The following PTPRN2 variants were observed in gnomAD, a reference collection of about 807,000 sequenced individuals.
PTPRN2 encodes protein tyrosine phosphatase receptor type N2, also known as receptor-type tyrosine-protein phosphatase N2.
In PTPRN2, 74 loss-of-function variants were observed where a neutral mutation model predicts 118.8. That is an observed-to-expected ratio of 0.62 (90% confidence interval 0.52 to 0.76). PTPRN2 has a LOEUF of 0.76. Ranked by LOEUF, PTPRN2 falls within the 30% of genes least tolerant of loss-of-function variation. PTPRN2 has a pLI of 0.00. For missense variants in PTPRN2, 1,481 were observed against 1,394.4 expected (o/e 1.06, Z -0.99); for synonymous variants, 641 against 608.0 (o/e 1.05, Z -0.80).
In PTPRN2 at chr7:157,611,585, G is replaced by C. The variant is rs1452279244; in HGVS notation, c.2345-7510C>G. On this transcript the variant is annotated intron_variant, in intron 15 of 22. Transcript: ENST00000389418. The surrounding 1 kb of genome is among the most constrained non-coding windows in gnomAD (Gnocchi z 5.9). ...GGAACATGACCTTATTTGGAAATAG[G>C]GTCTTTACAGAGGTAAGCGAGCGGA... Among the ~76,000 whole-genome samples the C allele has an allele frequency of 6.6e-6, 1 of 152,154 alleles. No individual in the cohort carries two copies. The highest frequency in any genetic ancestry group is 1.5e-5 in the Non-Finnish European group (1 of 68,042).
At chr7:157,574,532 G>GAC in intron 19 of PTPRN2, 1 of 315,562 alleles carries the variant, frequency 3.2e-6, no homozygotes, top group Non-Finnish European at 7.4e-6. Context: ...GAGAGAGAGA[G>GAC]AGAGTTTTTA....
Position 157,974,192 on chromosome 7 carries a change from G to A in PTPRN2, c.1724-75455C>T, listed in dbSNP as rs941876264. Among the ~76,000 whole-genome samples the A allele has an allele frequency of 6.6e-6, 1 of 152,222 alleles. No homozygotes were observed. The highest frequency in any genetic ancestry group is 6.5e-5 in the Admixed American group (1 of 15,290). ...GGCGATGATCATTGTGGAAAGAATG[G>A]ACAGCACCCTGGTTGATGTGCAGAG... On this transcript the variant is annotated intron_variant, in intron 11 of 22. Coordinates refer to ENST00000389418, the MANE Select transcript of PTPRN2 (RefSeq NM_002847.5). The surrounding 1 kb of genome is among the most constrained non-coding windows in gnomAD (Gnocchi z 4.0).
At chr7:158,100,974 A>G (rs1329341187) in intron 10 of PTPRN2, among the ~76,000 whole-genome samples, 1 of 152,180 alleles carries the variant, frequency 6.6e-6, no homozygotes, top group Non-Finnish European at 1.5e-5. Context: ...ATTCAATCCA[A>G]TCCCCATCAA....
chr7:158,070,879 TGG>T, intron 11 of PTPRN2, among the ~76,000 whole-genome samples: 1 of 117,482 alleles, frequency 8.5e-6, no homozygotes, highest in Non-Finnish European at 1.7e-5. Context: ...GTGGTGCCCA[TGG>T]TGGTGGAGGT....
At chr7:157,701,425 C>A (rs1294314865) in intron 12 of PTPRN2, among the ~76,000 whole-genome samples, 2 of 152,174 alleles carry the variant, frequency 1.3e-5, no homozygotes, top group East Asian at 1.9e-4. Context: ...TAGTATCAGT[C>A]TTTCAAAAAG....
chr7:158,265,228 ATGCTCCTGG>A (rs1797792759), intron 3 of PTPRN2, among the ~76,000 whole-genome samples: 1 of 151,732 alleles, frequency 6.6e-6, no homozygotes. Flanking sequence ...GCCATCCACT[ATGCTCCTGG>A]TGCTGGAAAC....
chr7:157,798,094 A>C (rs1285361947), intron 12 of PTPRN2, among the ~76,000 whole-genome samples: 1 of 152,128 alleles, frequency 6.6e-6, no homozygotes, highest in Non-Finnish European at 1.5e-5. Context: ...TCCCGTCTCT[A>C]CTAAAAATAC....
rs1563191249 is a variant in PTPRN2 at position 158,352,340 on chromosome 7, C to CCCCTCCCTGCCAGCTA, written c.164-35409_164-35408insTAGCTGGCAGGGAGGG. Among the ~76,000 whole-genome samples the CCCCTCCCTGCCAGCTA allele has an allele frequency of 4.2e-4, 2 of 4,796 alleles. 1 individual carries two copies. The highest frequency in any genetic ancestry group is 5.0e-3 in the Non-Finnish European group (2 of 398). The allele number at this position is 4,796 out of a possible 152,430, so 3.1% of individuals were successfully genotyped here. A position where few individuals can be genotyped will look rare whatever the true frequency, so the allele number is the denominator to read the frequency against. ...CCTGCCAGCTACCCTCCTGACCGCT[C>CCCCTCCCTGCCAGCTA]CCCTCCTGTCCGCTCCCCTCCTGAC... On this transcript the variant is annotated intron_variant, in intron 2 of 22. Coordinates refer to ENST00000389418, the MANE Select transcript of PTPRN2 (RefSeq NM_002847.5).
intron 3 of PTPRN2, among the ~76,000 whole-genome samples, chr7:158,207,313 G>A (rs1489298300): frequency 3.3e-5 from 5 of 150,188 alleles, no homozygotes; most frequent in Non-Finnish European, 5.9e-5. Context: ...TAGTCCTTTG[G>A]GTATATACCC....
intron 11 of PTPRN2, among the ~76,000 whole-genome samples, chr7:158,073,896 C>T (rs553127037): frequency 2.0e-5 from 3 of 152,326 alleles, no homozygotes; most frequent in South Asian, 2.1e-4. Flanking sequence ...CCTGAGGCCT[C>T]GTCCCCCAGG....
At chr7:157,981,014 C>T (rs1027792289) in intron 11 of PTPRN2, among the ~76,000 whole-genome samples, 9 of 152,272 alleles carry the variant, frequency 5.9e-5, no homozygotes, top group East Asian at 3.9e-4. Context: ...CCAGTTCCCA[C>T]GGAGCCCCGC....
At chr7:158,349,915 A>T (rs1446865779) in intron 2 of PTPRN2, among the ~76,000 whole-genome samples, 2 of 152,128 alleles carry the variant, frequency 1.3e-5, no homozygotes, top group Admixed American at 1.3e-4. Context: ...CCCGGGCCAC[A>T]TGAGGCCCAC....
intron 12 of PTPRN2, among the ~76,000 whole-genome samples, chr7:157,721,758 G>A (rs937057430): frequency 6.6e-5 from 10 of 152,178 alleles, no homozygotes; most frequent in Non-Finnish European, 1.2e-4. Flanking sequence ...CTGGAGAGCC[G>A]GGTTTCTGCC....
At chr7:158,584,108 ACAGC>A in intron 1 of PTPRN2, among the ~76,000 whole-genome samples, 1 of 152,310 alleles carries the variant, frequency 6.6e-6, no homozygotes, top group South Asian at 2.1e-4. Context: ...TCCTGTCTTC[ACAGC>A]CAGGTGCACC....
At position 157,784,428 on chromosome 7, in the gene PTPRN2, C is replaced by CA. The variant is rs1803888222; in HGVS notation, c.1789-101492dup. ...CAAGATGCCGACCTGCAGCAGCGCC[C>CA]ACAAGGCTCAGGGCTGGGTCCAGCC... On this transcript the variant is annotated intron_variant, in intron 12 of 22. Transcript: ENST00000389418. This position sits in a 1 kb window ranked among gnomAD's most constrained non-coding sequence, Gnocchi z 4.6. Among the ~76,000 whole-genome samples the CA allele has an allele frequency of 6.6e-6, 1 of 152,166 alleles. No individual in the cohort carries two copies. The highest frequency in any genetic ancestry group is 2.1e-4 in the South Asian group (1 of 4,826).
At position 157,818,577 on chromosome 7, in the gene PTPRN2, C is replaced by T. The variant is rs77444231; in HGVS notation, c.1788+80096G>A. On this transcript the variant is annotated intron_variant, in intron 12 of 22. Coordinates refer to ENST00000389418, the MANE Select transcript of PTPRN2 (RefSeq NM_002847.5). ...GCAGCTTCCAGAAGGGCAGAGGCCA[C>T]GACACCGAGGCCCCCAGCTGGTGCC... Among the ~76,000 whole-genome samples, 232 of 146,264 alleles carry T rather than the reference C, an allele frequency of 1.6e-3. 1 individual carries two copies. The highest frequency in any genetic ancestry group is 6.1e-3 in the African/African-American group (221 of 35,968).
chr7:157,840,233 CTGTG>C (rs1338845556), intron 12 of PTPRN2, among the ~76,000 whole-genome samples: 5 of 140,452 alleles, frequency 3.6e-5, no homozygotes, highest in East Asian at 4.4e-4. Flanking sequence ...GACTGTGTGA[CTGTG>C]TGTGACTGTG....
At chr7:157,613,912 C>T (rs1802569674) in intron 15 of PTPRN2, 1 of 415,592 alleles carries the variant, frequency 2.4e-6, no homozygotes. Context: ...TATCCGGACT[C>T]CTCGAGCCCC....
chr7:157,650,223 G>T (rs1163474228), intron 14 of PTPRN2, among the ~76,000 whole-genome samples: 1 of 152,174 alleles, frequency 6.6e-6, no homozygotes, highest in Non-Finnish European at 1.5e-5. Flanking sequence ...TGTGTGGCGT[G>T]AAGGCTTCCC....
Sources: gnomAD v4.1 joint callset for allele counts (sites outside exome capture counted in the v4.1 genomes callset) on GRCh38, gnomAD v4.1.1 for gene constraint, Gnocchi (gnomAD v3.1) non-coding constraint, MANE v1.5 for transcripts, NCBI Gene and HGNC (gene_info 2026-07-23, HGNC 2026-07-21) for gene names.